The following CFAP299 variants were observed in gnomAD, a reference collection of about 807,000 sequenced individuals.
CFAP299 encodes cilia- and flagella-associated protein 299.
Under a neutral mutation model 27.0 loss-of-function variants are expected in CFAP299, and 21 were observed. The ratio of observed to expected loss-of-function variants is 0.78; its 90% CI spans 0.55 to 1.12. The LOEUF (loss-of-function observed/expected upper bound fraction) is 1.12. Ranked by LOEUF, CFAP299 falls within the 50% of genes most tolerant of loss-of-function variation. CFAP299 has a pLI of 0.00. For synonymous variants in CFAP299, 104 were observed against 98.1 expected, an observed-to-expected ratio of 1.06 and a Z score of -0.36; for missense variants, 310 against 276.6, an observed-to-expected ratio of 1.12 and a Z score of -0.86.
At chr4:80,511,157 A>G (rs754843891) in intron 2 of CFAP299, among the ~76,000 whole-genome samples, 18 of 152,168 alleles carry the variant, frequency 1.2e-4, no homozygotes, top group Non-Finnish European at 2.5e-4. Flanking sequence ...CCCTATCTGT[A>G]TATGATCTTG....
chr4:80,776,768 C>CA (rs1433504004), intron 3 of CFAP299, among the ~76,000 whole-genome samples: 1 of 150,984 alleles, frequency 6.6e-6, no homozygotes, highest in Non-Finnish European at 1.5e-5. Flanking sequence ...ATAAATAAAG[C>CA]AAAAAAGAAT....
In CFAP299 at chr4:80,364,018, C is replaced by T. The variant is rs1020380039; in HGVS notation, c.242+1134C>T. Among the ~76,000 whole-genome samples the T allele has an allele frequency of 6.7e-5, 10 of 150,222 alleles. No homozygotes were observed. In the South Asian group the frequency reaches 8.5e-4, roughly 13 times the overall value. On this transcript the variant is annotated intron_variant, in intron 2 of 5. Coordinates refer to ENST00000358105, the MANE Select transcript of CFAP299 (RefSeq NM_152770.3). ...AGGAGAATGACGTGAACCCGGGAGG[C>T]GGAGCTTGCAGTGAGCCAAGATCGC...
At chr4:80,799,980 A>T (rs1298215092) in intron 3 of CFAP299, among the ~76,000 whole-genome samples, 4 of 57,816 alleles carry the variant, frequency 6.9e-5, no homozygotes, top group Non-Finnish European at 1.1e-4. Flanking sequence ...ATATAATATA[A>T]TATATGTAAT....
At chr4:80,661,656 T>C (rs1740854443) in intron 3 of CFAP299, among the ~76,000 whole-genome samples, 1 of 152,096 alleles carries the variant, frequency 6.6e-6, no homozygotes, top group South Asian at 2.1e-4. Context: ...ACTGCACAAA[T>C]TGTTTAAACG....
At chr4:80,483,583 A>C (rs1730672749) in intron 2 of CFAP299, among the ~76,000 whole-genome samples, 2 of 152,150 alleles carry the variant, frequency 1.3e-5, no homozygotes, top group Admixed American at 1.3e-4. Context: ...CAGAGGAAGT[A>C]TGAGGTCTAT....
Position 80,603,137 on chromosome 4 carries a change from T to C in CFAP299, c.333+19954T>C, listed in dbSNP as rs116294463. Among the ~76,000 whole-genome samples, 1,368 of 152,300 alleles carry C rather than the reference T, an allele frequency of 9.0e-3. 20 individuals are homozygous for C. The highest frequency in any genetic ancestry group is 0.03 in the African/African-American group (1,262 of 41,562). ...TTATGGATTTGACTAAAAAAGACTTTGGCAAGTTAAAAGTCCCTGTAAGCA... is the reference window on the plus strand; with the variant it reads ...TTATGGATTTGACTAAAAAAGACTTCGGCAAGTTAAAAGTCCCTGTAAGCA... On this transcript the variant is annotated intron_variant, in intron 3 of 5. Transcript: ENST00000358105.
intron 2 of CFAP299, among the ~76,000 whole-genome samples, chr4:80,550,017 A>G: frequency 6.6e-6 from 1 of 152,072 alleles, no homozygotes; most frequent in Non-Finnish European, 1.5e-5. Context: ...TGACTTTTAT[A>G]TTAGGTTATG....
chr4:80,790,060 A>AT (rs1478933076), intron 3 of CFAP299, among the ~76,000 whole-genome samples: 1 of 151,944 alleles, frequency 6.6e-6, no homozygotes, highest in Admixed American at 6.6e-5. Flanking sequence ...AATCAAAACA[A>AT]TTTTTGCCTT....
chr4:80,753,656 G>A (rs1436669132), intron 3 of CFAP299, among the ~76,000 whole-genome samples: 1 of 152,066 alleles, frequency 6.6e-6, no homozygotes, highest in Non-Finnish European at 1.5e-5. Context: ...TGACCTGCAT[G>A]TTTTGGATGC....
chr4:80,883,248 A>G (rs2110178413), intron 4 of CFAP299, among the ~76,000 whole-genome samples: 1 of 152,306 alleles, frequency 6.6e-6, no homozygotes, highest in Admixed American at 6.5e-5. Context: ...TAAAGATGGC[A>G]TATATTAGCC....
At chr4:80,837,820 G>A (rs1288459199) in intron 3 of CFAP299, among the ~76,000 whole-genome samples, 1 of 152,004 alleles carries the variant, frequency 6.6e-6, no homozygotes, top group African/African-American at 2.4e-5. Flanking sequence ...GGTATTTCTG[G>A]TTCTAAAACC....
At chr4:80,616,903 A>G (rs1454306920) in intron 3 of CFAP299, among the ~76,000 whole-genome samples, 1 of 152,194 alleles carries the variant, frequency 6.6e-6, no homozygotes, top group Non-Finnish European at 1.5e-5. Flanking sequence ...TGTTTAATAA[A>G]TTAACAATGT....
intron 3 of CFAP299, among the ~76,000 whole-genome samples, chr4:80,806,329 A>T (rs1033377778): frequency 3.3e-5 from 5 of 152,194 alleles, no homozygotes; most frequent in African/African-American, 1.2e-4. Flanking sequence ...AAGCCATTAG[A>T]TAATTAATGA....
At chr4:80,566,364 C>T (rs1735283659) in intron 2 of CFAP299, among the ~76,000 whole-genome samples, 1 of 151,954 alleles carries the variant, frequency 6.6e-6, no homozygotes, top group Non-Finnish European at 1.5e-5. Context: ...TTGTACACTC[C>T]TCTGCTCTGA....
At chr4:80,625,456 G>GA (rs1162625973) in intron 3 of CFAP299, among the ~76,000 whole-genome samples, 1 of 151,914 alleles carries the variant, frequency 6.6e-6, no homozygotes, top group African/African-American at 2.4e-5. Context: ...GACAGAAAAA[G>GA]AGAAAGAGAC....
At chr4:80,569,109 C>T (rs770936176) in intron 2 of CFAP299, among the ~76,000 whole-genome samples, 3 of 152,092 alleles carry the variant, frequency 2.0e-5, no homozygotes, top group Non-Finnish European at 4.4e-5. Flanking sequence ...CCTACTCCGT[C>T]ATTGTGGCTA....
At chr4:80,885,761 G>A (rs1442740062) in intron 4 of CFAP299, among the ~76,000 whole-genome samples, 2 of 152,184 alleles carry the variant, frequency 1.3e-5, no homozygotes, top group Admixed American at 1.3e-4. Context: ...GAGAAGTTCT[G>A]ACTTCAGGGG....
At chr4:80,335,640 C>T (rs1160107444), upstream of CFAP299, 6 of 684,456 alleles carry the variant, frequency 8.8e-6, no homozygotes, top group Non-Finnish European at 1.3e-5. Context: ...CAACAAACCG[C>T]CGGGGGGTGG....
chr4:80,499,975 T>TTTTG (rs1236193735), intron 2 of CFAP299, among the ~76,000 whole-genome samples: 2 of 152,100 alleles, frequency 1.3e-5, no homozygotes, highest in East Asian at 1.9e-4. Flanking sequence ...TTCATTTTTT[T>TTTTG]TTTGTTTGTT....
Sources: gnomAD v4.1 joint callset for allele counts (sites outside exome capture counted in the v4.1 genomes callset) on GRCh38, gnomAD v4.1.1 for gene constraint, MANE v1.5 for transcripts, NCBI Gene and HGNC (gene_info 2026-07-23, HGNC 2026-07-21) for gene names.